The following CYSLTR1 variants were observed in gnomAD, a reference collection of about 807,000 sequenced individuals.
CYSLTR1 encodes the protein G-protein coupled receptor HG55.
A neutral mutation model predicts 2.1 loss-of-function variants in CYSLTR1; 1 was observed. That is an observed-to-expected ratio of 0.48 (90% CI 0.17 to 2.28). CYSLTR1 has a LOEUF of 2.28. Among genes scored for constraint, CYSLTR1 ranks in the 30% most tolerant of loss-of-function variants. The pLI is 0.26. For missense variants in CYSLTR1, 299 were observed against 250.1 expected (o/e 1.20, Z -1.32); for synonymous variants, 110 against 89.6 (o/e 1.23, Z -1.28).
intron 1 of CYSLTR1, among the ~76,000 whole-genome samples, chrX:78,316,325 A>C (rs1430849822): frequency 1.8e-5 from 2 of 112,173 alleles, no homozygotes; most frequent in African/African-American, 6.5e-5. Context: ...AACAATTTCA[A>C]CTGGGCACTA....
At chrX:78,301,926 C>A (rs1292378151) in intron 1 of CYSLTR1, among the ~76,000 whole-genome samples, 5 of 112,256 alleles carry the variant, frequency 4.5e-5, no homozygotes, top group African/African-American at 9.7e-5. Flanking sequence ...AAAAGCCACA[C>A]CTTACATGGT....
intron 2 of CYSLTR1, among the ~76,000 whole-genome samples, chrX:78,281,874 A>T (rs998823817): frequency 3.6e-5 from 4 of 111,507 alleles, no homozygotes; most frequent in African/African-American, 6.5e-5. Context: ...TACACATTGT[A>T]GTTTTCAATT....
At chrX:78,322,734 AT>A (rs1490484464) in intron 1 of CYSLTR1, among the ~76,000 whole-genome samples, 1 of 111,875 alleles carries the variant, frequency 8.9e-6, no homozygotes, top group African/African-American at 3.3e-5. Context: ...TTGGGAATAC[AT>A]TTCCAAGGAT....
chrX:78,275,400 T>TA (rs1007825085), intron 2 of CYSLTR1, among the ~76,000 whole-genome samples: 2 of 111,652 alleles, frequency 1.8e-5, no homozygotes, highest in African/African-American at 6.5e-5. Context: ...TATGCAGCCA[T>TA]AAAAAATGAT....
chrX:78,271,580 C>T lies in CYSLTR1; in HGVS notation c.*1153G>A, dbSNP rs987248683. Reference sequence around the variant, plus strand: ...TTGTCCACGCATATTATATTTCAGCCGTAGATGAGTTGTTGTGGCTGTTTT... The same window carrying T: ...TTGTCCACGCATATTATATTTCAGCTGTAGATGAGTTGTTGTGGCTGTTTT... On this transcript the variant is annotated 3_prime_UTR_variant, in exon 3 of 3. Coordinates refer to ENST00000373304, the MANE Select transcript of CYSLTR1 (RefSeq NM_006639.4). 6 of 111,710 alleles carry T rather than the reference C, an allele frequency of 5.4e-5. No homozygotes were observed. Among genetic ancestry groups the T allele is most frequent in the East Asian group, 5.6e-4 (2 of 3,588 alleles). The allele number at this position is 111,710 out of a possible 1,213,427, so 9.2% of individuals were successfully genotyped here.
At chrX:78,295,638 T>C (rs926995664) in intron 1 of CYSLTR1, among the ~76,000 whole-genome samples, 1 of 112,046 alleles carries the variant, frequency 8.9e-6, no homozygotes, top group Non-Finnish European at 1.9e-5. Context: ...ATTTCTCTGA[T>C]GATAAATGAT....
chrX:78,308,811 A>G (rs1923121418), intron 1 of CYSLTR1, among the ~76,000 whole-genome samples: 1 of 111,589 alleles, frequency 9.0e-6, no homozygotes, highest in African/African-American at 3.3e-5. Context: ...AGCTTAACTC[A>G]GGGCTTGGGA....
intron 2 of CYSLTR1, among the ~76,000 whole-genome samples, chrX:78,275,489 C>A (rs1018519019): frequency 9.2e-6 from 1 of 108,929 alleles, no homozygotes; most frequent in Non-Finnish European, 1.9e-5. Context: ...GGAACAAAAA[C>A]CAAACACCGC....
chrX:78,303,940 G>GT (rs763509835), intron 1 of CYSLTR1, among the ~76,000 whole-genome samples: 72 of 111,640 alleles, frequency 6.4e-4, no homozygotes, highest in African/African-American at 2.3e-3. Context: ...GGGTATTTCT[G>GT]TTTTTTGAGA....
rs767221952 is a variant in CYSLTR1 at position 78,272,586 on chromosome X, G to C, written c.*147C>G. The C allele has an allele frequency of 1.3e-5, 6 of 479,182 alleles. No individual in the cohort carries two copies. The highest frequency in any genetic ancestry group is 1.6e-5 in the Non-Finnish European group (5 of 316,115). The allele number at this position is 479,182 out of a possible 1,213,427, so 39.5% of individuals were successfully genotyped here. On this transcript the variant is annotated 3_prime_UTR_variant, in exon 3 of 3. Transcript: ENST00000373304. ...ATATCTATAAATATCTAATCATGTGGATGCATAAATGAGATAGAGTTGTAG... is the reference window on the plus strand; with the variant it reads ...ATATCTATAAATATCTAATCATGTGCATGCATAAATGAGATAGAGTTGTAG...
At chrX:78,296,528 A>T (rs1045069676) in intron 1 of CYSLTR1, among the ~76,000 whole-genome samples, 2 of 111,996 alleles carry the variant, frequency 1.8e-5, no homozygotes, top group Non-Finnish European at 3.8e-5. Context: ...CCAAAATATG[A>T]AAACGAAATA....
intron 1 of CYSLTR1, among the ~76,000 whole-genome samples, chrX:78,303,017 C>T (rs898859794): frequency 9.0e-6 from 1 of 111,391 alleles, no homozygotes; most frequent in African/African-American, 3.3e-5. Flanking sequence ...GTCCTTGTGG[C>T]CTGGAGTGTC....
rs1237342133 is a variant in CYSLTR1, at chrX:78,273,187, A to G, written c.560T>C (p.Leu187Ser). ...AAACAATGACACATAATGCAAGACC[A>G]AAACATGATTTTTAGTTTGATTGTC... ...PQDNQTKNHV[L>S]VLHYVSLFVG... Residue 187 changes from leucine to serine, a missense_variant, in exon 3 of 3, where the codon TTG becomes TCG. Physicochemically the swap from Leu to Ser is moderately radical, Grantham distance 145. Coordinates refer to ENST00000373304, the MANE Select transcript of CYSLTR1 (RefSeq NM_006639.4). The G allele has an allele frequency of 8.3e-7, 1 of 1,211,002 alleles. No homozygotes were observed. Among genetic ancestry groups the G allele is most frequent in the Admixed American group, 2.2e-5 (1 of 45,899 alleles).
chrX:78,274,993 G>T (rs1357783487), intron 2 of CYSLTR1, among the ~76,000 whole-genome samples: 3 of 111,478 alleles, frequency 2.7e-5, no homozygotes, highest in African/African-American at 9.8e-5. Context: ...CATCATCACT[G>T]GCCATCAGAG....
At chrX:78,303,554 C>T (rs778938002) in intron 1 of CYSLTR1, among the ~76,000 whole-genome samples, 1 of 110,932 alleles carries the variant, frequency 9.0e-6, no homozygotes, top group South Asian at 3.9e-4. Context: ...CCCATTAATC[C>T]TACCCCAGTC....
intron 1 of CYSLTR1, among the ~76,000 whole-genome samples, chrX:78,289,971 G>C (rs1029826820): frequency 9.0e-6 from 1 of 111,628 alleles, no homozygotes; most frequent in Non-Finnish European, 1.9e-5. Context: ...AGTTTAATTA[G>C]ATCCCATTTG....
intron 1 of CYSLTR1, among the ~76,000 whole-genome samples, chrX:78,295,137 T>A (rs1922520779): frequency 8.9e-6 from 1 of 112,538 alleles, no homozygotes; most frequent in Admixed American, 9.4e-5. Flanking sequence ...TTTATCTTTC[T>A]GTGCCTGGCT....
intron 2 of CYSLTR1, among the ~76,000 whole-genome samples, chrX:78,275,741 A>G (rs1420517227): frequency 2.7e-5 from 3 of 111,661 alleles, no homozygotes; most frequent in Admixed American, 9.5e-5. Context: ...AATAATAATA[A>G]AAAAAGAAAA....
At chrX:78,313,855 G>T (rs1261142870) in intron 1 of CYSLTR1, among the ~76,000 whole-genome samples, 1 of 111,765 alleles carries the variant, frequency 8.9e-6, no homozygotes, top group Non-Finnish European at 1.9e-5. Flanking sequence ...TAATTTAGGG[G>T]GTAGAGAGGA....
Sources: gnomAD v4.1 joint callset for allele counts (sites outside exome capture counted in the v4.1 genomes callset) on GRCh38, gnomAD v4.1.1 for gene constraint, MANE v1.5 for transcripts, NCBI Gene and HGNC (gene_info 2026-07-23, HGNC 2026-07-21) for gene names.